Variants in CCDC178 observed in about 807,000 individuals in gnomAD.
CCDC178 encodes the protein coiled-coil domain-containing protein 178.
CCDC178 carries 126 observed loss-of-function variants against 117.4 expected under a neutral mutation model. The ratio of observed to expected loss-of-function variants is 1.07; its 90% CI spans 0.93 to 1.24. The LOEUF is 1.24. Ranked by LOEUF, CCDC178 falls within the 50% of genes most tolerant of loss-of-function variation. The pLI is 0.00. For missense variants in CCDC178, 1,030 were observed against 986.9 expected (o/e 1.04, Z -0.59); for synonymous variants, 283 against 313.4 (o/e 0.90, Z 1.02).
At chr18:33,240,323 A>G (rs899156136) in intron 15 of CCDC178, among the ~76,000 whole-genome samples, 1 of 151,860 alleles carries the variant, frequency 6.6e-6, no homozygotes, top group African/African-American at 2.4e-5. Flanking sequence ...AGGAACTAAA[A>G]CAGCAAGAAC....
At position 33,160,842 on chromosome 18, in the gene CCDC178, C is replaced by T. The variant is rs1457074646; in HGVS notation, c.2238+51054G>A. ...TGGCGAGTAACCACACTACTTCCTC[C>T]TCACATACCTTATGCTTTCTAAATA... On this transcript the variant is annotated intron_variant, in intron 20 of 22. Transcript: ENST00000383096. 2.0e-5 allele frequency among the ~76,000 whole-genome samples: 3 copies of T among 152,196 alleles called. No individual in the cohort carries two copies. The East Asian group carries it at 5.8e-4, about 29-fold the overall frequency.
chr18:33,107,409 T>C (rs1157926166), intron 20 of CCDC178, among the ~76,000 whole-genome samples: 1 of 151,660 alleles, frequency 6.6e-6, no homozygotes, highest in African/African-American at 2.4e-5. Flanking sequence ...GTCTGGACCA[T>C]AATCCGGAAA....
intron 21 of CCDC178, among the ~76,000 whole-genome samples, chr18:33,045,781 C>T (rs2144908813): frequency 6.6e-6 from 1 of 152,192 alleles, no homozygotes; most frequent in South Asian, 2.1e-4. Flanking sequence ...TCTTACAATA[C>T]TTAGGCTGGG....
intron 21 of CCDC178, among the ~76,000 whole-genome samples, chr18:33,091,324 C>CTTTTTTTTTCTTTTTT (rs2057459905): frequency 2.3e-5 from 1 of 43,882 alleles, no homozygotes; most frequent in Non-Finnish European, 4.1e-5. Context: ...TTATTTCATT[C>CTTTTTTTTTCTTTTTT]TTTTTTTTTT....
intron 14 of CCDC178, among the ~76,000 whole-genome samples, chr18:33,246,688 G>C (rs993973490): frequency 2.0e-5 from 3 of 151,796 alleles, no homozygotes; most frequent in Admixed American, 2.0e-4. Context: ...TGTTGCACCA[G>C]ATGAGCGACC....
At chr18:32,995,738 T>C (rs1342695237) in intron 21 of CCDC178, among the ~76,000 whole-genome samples, 5 of 152,086 alleles carry the variant, frequency 3.3e-5, no homozygotes, top group African/African-American at 1.2e-4. Context: ...GTACATTACA[T>C]AATTGGGAAT....
At chr18:33,253,578 G>C (rs992317942) in intron 14 of CCDC178, among the ~76,000 whole-genome samples, 1 of 151,826 alleles carries the variant, frequency 6.6e-6, no homozygotes, top group African/African-American at 2.4e-5. Context: ...AAAGGAGAGA[G>C]TAAGAAGAAC....
intron 2 of CCDC178, among the ~76,000 whole-genome samples, chr18:33,435,459 G>A (rs940620004): frequency 1.3e-5 from 2 of 151,892 alleles, no homozygotes; most frequent in Non-Finnish European, 2.9e-5. Flanking sequence ...ATTCAAAAAA[G>A]TATTCAATAT....
chr18:33,376,270 TG>T (rs375543481), intron 5 of CCDC178, among the ~76,000 whole-genome samples: 59 of 151,908 alleles, frequency 3.9e-4, no homozygotes, highest in African/African-American at 1.4e-3. Flanking sequence ...CCTGGTGTGT[TG>T]GGGGAGGGGC....
rs900547101 is a variant in CCDC178 at position 33,152,502 on chromosome 18, G to C, written c.2238+59394C>G. 2.6e-5 allele frequency among the ~76,000 whole-genome samples: 4 copies of C among 151,946 alleles called. No individual in the cohort carries two copies. In the South Asian group the frequency reaches 6.2e-4, roughly 24 times the overall value. The stretch of plus-strand genomic sequence containing the variant: ...CCTCTTGTGCCACTGGAAACCCAGA[G>C]CTCGCCAGGAAGGAGCCAAGGCTAG... On this transcript the variant is annotated intron_variant, in intron 20 of 22. Coordinates refer to ENST00000383096, the MANE Select transcript of CCDC178 (RefSeq NM_001105528.4).
At chr18:33,194,425 A>AT (rs1419642216) in intron 20 of CCDC178, among the ~76,000 whole-genome samples, 2 of 152,090 alleles carry the variant, frequency 1.3e-5, no homozygotes, top group African/African-American at 4.8e-5. Context: ...ATATATACAT[A>AT]TATTTATCCC....
chr18:33,247,351 G>T (rs1179649799), intron 14 of CCDC178, among the ~76,000 whole-genome samples: 2 of 151,510 alleles, frequency 1.3e-5, no homozygotes, highest in African/African-American at 4.9e-5. Flanking sequence ...TTTTGTAAAA[G>T]GAAAAGAAAT....
chr18:33,263,719 CT>C (rs1182602267), intron 14 of CCDC178, among the ~76,000 whole-genome samples: 3 of 152,038 alleles, frequency 2.0e-5, no homozygotes, highest in Non-Finnish European at 4.4e-5. Flanking sequence ...GGCACTGGAA[CT>C]TTTGGTTAAA....
intron 22 of CCDC178, among the ~76,000 whole-genome samples, chr18:32,954,291 C>T (rs1309040139): frequency 6.6e-6 from 1 of 152,066 alleles, no homozygotes; most frequent in Non-Finnish European, 1.5e-5. Flanking sequence ...CCTCTAAGCA[C>T]TCCACAGGGT....
At chr18:33,105,126 T>C (rs1297954584) in intron 20 of CCDC178, among the ~76,000 whole-genome samples, 3 of 151,674 alleles carry the variant, frequency 2.0e-5, no homozygotes, top group African/African-American at 7.3e-5. Context: ...AGGCATTTGT[T>C]ATTGAAAAGT....
intron 11 of CCDC178, among the ~76,000 whole-genome samples, chr18:33,298,133 G>T (rs527551024): frequency 6.6e-6 from 1 of 151,362 alleles, no homozygotes; most frequent in Non-Finnish European, 1.5e-5. Context: ...CCACAAGACC[G>T]CTGTAACCTT....
intron 10 of CCDC178, among the ~76,000 whole-genome samples, chr18:33,324,592 C>T (rs919883326): frequency 7.2e-5 from 11 of 151,780 alleles, no homozygotes; most frequent in Middle Eastern, 3.2e-3. Context: ...TTTTATACTA[C>T]TTTTTCCTAA....
intron 21 of CCDC178, among the ~76,000 whole-genome samples, chr18:33,054,319 T>A (rs2056792539): frequency 6.6e-6 from 1 of 152,192 alleles, no homozygotes; most frequent in South Asian, 2.1e-4. Context: ...TGCAGGTTTG[T>A]TACATAGGTA....
At chr18:33,398,768 A>C (rs1267327947) in intron 3 of CCDC178, among the ~76,000 whole-genome samples, 2 of 152,210 alleles carry the variant, frequency 1.3e-5, no homozygotes, top group East Asian at 3.8e-4. Context: ...AACTGCAATA[A>C]AGTGAGTCAT....
Sources: allele counts gnomAD v4.1 joint callset (sites outside exome capture counted in the v4.1 genomes callset), GRCh38; gene constraint gnomAD v4.1.1; transcripts MANE v1.5; gene names NCBI Gene and HGNC (gene_info 2026-07-23, HGNC 2026-07-21).